The following RORB variants were observed in gnomAD, a reference collection of about 807,000 sequenced individuals.
RORB encodes the protein nuclear receptor ROR-beta.
In RORB, 6 loss-of-function variants were observed where a neutral mutation model predicts 59.1. The observed-to-expected ratio is 0.10, with a 90% CI of 0.06 to 0.20. The LOEUF (loss-of-function observed/expected upper bound fraction) is 0.20, where lower values mean the gene tolerates loss of function less well. RORB is among the 10% of genes least tolerant of loss of function. RORB has a pLI of 1.00. For missense variants in RORB, 320 were observed against 560.5 expected (o/e 0.57, Z 4.33); for synonymous variants, 215 against 204.5 (o/e 1.05, Z -0.44).
chr9:74,609,791 C>T (rs1458548704), intron 1 of RORB, among the ~76,000 whole-genome samples: 1 of 152,158 alleles, frequency 6.6e-6, no homozygotes, highest in Admixed American at 6.5e-5. Flanking sequence ...GCCACTGAAA[C>T]TCTAGAACAG....
intron 1 of RORB, among the ~76,000 whole-genome samples, chr9:74,617,923 A>G (rs546982575): frequency 2.0e-5 from 3 of 152,346 alleles, no homozygotes; most frequent in African/African-American, 7.2e-5. Context: ...TGAAATAAGA[A>G]CTAAAATTAT....
chr9:74,604,806 T>C (rs993954797), intron 1 of RORB, among the ~76,000 whole-genome samples: 1 of 152,206 alleles, frequency 6.6e-6, no homozygotes, highest in Non-Finnish European at 1.5e-5. Flanking sequence ...CCAAAGCAGC[T>C]ATATTTTAAT....
chr9:74,617,096 G>T (rs1475992717), intron 1 of RORB, among the ~76,000 whole-genome samples: 1 of 123,932 alleles, frequency 8.1e-6, no homozygotes, highest in South Asian at 2.9e-4. Context: ...CGCTCCCCCC[G>T]CAAAAAAACT....
At chr9:74,515,578 T>G (rs185473507) in intron 1 of RORB, among the ~76,000 whole-genome samples, 1 of 152,034 alleles carries the variant, frequency 6.6e-6, no homozygotes, top group Non-Finnish European at 1.5e-5. Context: ...TCCAAGAATC[T>G]AAAATAGCTG....
intron 1 of RORB, among the ~76,000 whole-genome samples, chr9:74,533,207 C>A (rs1295913903): frequency 6.6e-6 from 1 of 151,922 alleles, no homozygotes; most frequent in East Asian, 1.9e-4. Context: ...ATCTCACAAA[C>A]GTAACTTCCC....
At chr9:74,572,212 A>G (rs551048380) in intron 1 of RORB, among the ~76,000 whole-genome samples, 1 of 152,314 alleles carries the variant, frequency 6.6e-6, no homozygotes, top group African/African-American at 2.4e-5. Context: ...AGGGAAGCAT[A>G]GATAACATTT....
chr9:74,593,414 C>T (rs950346471), intron 1 of RORB, among the ~76,000 whole-genome samples: 8 of 147,932 alleles, frequency 5.4e-5, no homozygotes, highest in Middle Eastern at 3.5e-3. Flanking sequence ...TGCAGTAAGC[C>T]GAGATCACAC....
intron 1 of RORB, among the ~76,000 whole-genome samples, chr9:74,627,924 C>A (rs185166976): frequency 2.0e-5 from 3 of 151,934 alleles, no homozygotes; most frequent in East Asian, 3.9e-4. Context: ...TTTTAGAAAA[C>A]CAGTTAACAA....
intron 1 of RORB, among the ~76,000 whole-genome samples, chr9:74,544,534 C>G (rs1563933101): frequency 6.6e-6 from 1 of 152,182 alleles, no homozygotes; most frequent in Non-Finnish European, 1.5e-5. Flanking sequence ...AATTGACATT[C>G]ATCTTCAGAG....
At chr9:74,642,368 GA>G (rs773810524) in intron 3 of RORB, 45 bp from the exon 4 acceptor site, 1 of 1,552,178 alleles carries the variant, frequency 6.4e-7, no homozygotes, top group Non-Finnish European at 8.7e-7. Flanking sequence ...TGGTTAACGC[GA>G]ATGATAACCA....
At chr9:74,669,020 T>G (rs1051298224) in intron 8 of RORB, among the ~76,000 whole-genome samples, 1 of 152,168 alleles carries the variant, frequency 6.6e-6, no homozygotes, top group Non-Finnish European at 1.5e-5. Context: ...ATTTGACCCC[T>G]CAGAGCCCTA....
chr9:74,627,703 T>C (rs1823543156), intron 1 of RORB, among the ~76,000 whole-genome samples: 1 of 152,098 alleles, frequency 6.6e-6, no homozygotes, highest in Non-Finnish European at 1.5e-5. Context: ...TTTGACTTAA[T>C]ATTATATAAG....
rs575846851 is a variant in RORB at position 74,520,944 on chromosome 9, G to A, written c.7+22961G>A. Among the ~76,000 whole-genome samples, 14 of 151,970 alleles carry A rather than the reference G, an allele frequency of 9.2e-5. No homozygotes were observed. The East Asian group carries it at 1.9e-3, about 21-fold the overall frequency. Reference sequence around the variant, plus strand: ...ATTTAACAGATTAATTAACCAGATCGAGGTGTTAAATTGAGGCAATCATCT... The same window carrying A: ...ATTTAACAGATTAATTAACCAGATCAAGGTGTTAAATTGAGGCAATCATCT... On this transcript the variant is annotated intron_variant, in intron 1 of 9. Coordinates refer to ENST00000376896, the MANE Select transcript of RORB (RefSeq NM_006914.4).
intron 1 of RORB, among the ~76,000 whole-genome samples, chr9:74,605,393 C>A (rs1348454307): frequency 6.6e-6 from 1 of 152,286 alleles, no homozygotes; most frequent in African/African-American, 2.4e-5. Flanking sequence ...CCAGCAGTAT[C>A]CCAACAGGGG....
chr9:74,660,097 G>A (rs1453044132), intron 4 of RORB, among the ~76,000 whole-genome samples: 1 of 151,778 alleles, frequency 6.6e-6, no homozygotes, highest in Non-Finnish European at 1.5e-5. Context: ...AATTTAATTT[G>A]TTTCCTTGTC....
At chr9:74,623,413 G>C (rs1487580957) in intron 1 of RORB, among the ~76,000 whole-genome samples, 1 of 150,182 alleles carries the variant, frequency 6.7e-6, no homozygotes, top group Non-Finnish European at 1.5e-5. Flanking sequence ...TTTCTGCCTT[G>C]TCAATTAGTG....
chr9:74,578,859 C>G (rs1335221694), intron 1 of RORB, among the ~76,000 whole-genome samples: 1 of 152,088 alleles, frequency 6.6e-6, no homozygotes, highest in Non-Finnish European at 1.5e-5. Flanking sequence ...GATTGCCAGT[C>G]AGGTACTCTG....
At position 74,661,676 on chromosome 9, in the gene RORB, A is replaced by G. The variant is rs548787165; in HGVS notation, c.760-798A>G. Among the ~76,000 whole-genome samples, 69 of 111,894 alleles carry G rather than the reference A, an allele frequency of 6.2e-4. 1 individual carries two copies. In the South Asian group the frequency reaches 7.0e-3, roughly 11 times the overall value. The allele number at this position is 111,894 out of a possible 152,430, so 73.4% of individuals were successfully genotyped here. On this transcript the variant is annotated intron_variant, in intron 5 of 9. Transcript: ENST00000376896. ...TTTTTTTTTTTTGAGACGGAGTCTC[A>G]CTCTGTCACCCATGCTGGAGTGCAG...
rs1035553104 is a variant in RORB at position 74,618,769 on chromosome 9, A to G, written c.8-11513A>G. Among the ~76,000 whole-genome samples, 4 of 151,156 alleles carry G rather than the reference A, an allele frequency of 2.6e-5. No homozygotes were observed. The South Asian group carries it at 6.5e-4, about 25-fold the overall frequency. ...TGTGTGTGTATATGTGTGTGTGTGT[A>G]TATTGTGGGGGGTGGAAGGCCAAAG... On this transcript the variant is annotated intron_variant, in intron 1 of 9. Transcript: ENST00000376896.
Sources: gnomAD v4.1 joint callset for allele counts (sites outside exome capture counted in the v4.1 genomes callset) on GRCh38, gnomAD v4.1.1 for gene constraint, MANE v1.5 for transcripts, NCBI Gene and HGNC (gene_info 2026-07-23, HGNC 2026-07-21) for gene names.